Variants in CAMK1D observed in about 807,000 individuals in gnomAD.
The protein encoded by CAMK1D is calcium/calmodulin dependent protein kinase ID.
Under a neutral mutation model 47.7 loss-of-function variants are expected in CAMK1D, and 9 were observed. The observed-to-expected ratio is 0.19, with a 90% confidence interval of 0.11 to 0.33. CAMK1D has a LOEUF of 0.33. CAMK1D is among the 10% of genes least tolerant of loss of function. The pLI, the probability that CAMK1D is intolerant of heterozygous loss-of-function variation, is 1.00. For synonymous variants in CAMK1D, 184 were observed against 184.9 expected, an observed-to-expected ratio of 0.99 and a Z score of 0.04; for missense variants, 291 against 488.7, an observed-to-expected ratio of 0.60 and a Z score of 3.81.
At chr10:12,819,745 G>A (rs145837734) in intron 8 of CAMK1D, among the ~76,000 whole-genome samples, 22 of 152,276 alleles carry the variant, frequency 1.4e-4, no homozygotes, top group African/African-American at 5.3e-4. Context: ...ACCCAATCTG[G>A]TGGGAGATGG....
At chr10:12,453,524 A>G (rs759932673) in intron 1 of CAMK1D, among the ~76,000 whole-genome samples, 16 of 152,136 alleles carry the variant, frequency 1.1e-4, no homozygotes, top group Non-Finnish European at 1.9e-4. Flanking sequence ...ATAATATTCC[A>G]TTGTATGGCT....
intron 3 of CAMK1D, among the ~76,000 whole-genome samples, chr10:12,700,345 A>C (rs1311173373): frequency 6.6e-6 from 1 of 152,094 alleles, no homozygotes. Flanking sequence ...TGGTGGGAGG[A>C]AGGAGAAGTG....
intron 2 of CAMK1D, among the ~76,000 whole-genome samples, chr10:12,610,970 C>G (rs1490763546): frequency 6.6e-6 from 1 of 152,140 alleles, no homozygotes. Flanking sequence ...ACTTACATAG[C>G]CCTCAGTATA....
At position 12,829,893 on chromosome 10, in the gene CAMK1D, T is replaced by G. The variant is rs1833389818; in HGVS notation, c.*1006T>G. On this transcript the variant is annotated 3_prime_UTR_variant, in exon 11 of 11. Transcript: ENST00000619168. ...CTCTGCGGGGGACTTTGGTAGAGAA[T>G]CTGCACAGAGCCTTTGCTGGCAACC... 1 of 152,114 alleles carries G rather than the reference T, an allele frequency of 6.6e-6. No homozygotes were observed. Among genetic ancestry groups the G allele is most frequent in the African/African-American group, 2.4e-5 (1 of 41,388 alleles). The allele number at this position is 152,114 out of a possible 1,614,324, so 9.4% of individuals were successfully genotyped here. A position where few individuals can be genotyped will look rare whatever the true frequency, so the allele number is the denominator to read the frequency against.
intron 1 of CAMK1D, among the ~76,000 whole-genome samples, chr10:12,408,709 C>T (rs1839539188): frequency 6.6e-6 from 1 of 152,136 alleles, no homozygotes; most frequent in Non-Finnish European, 1.5e-5. Context: ...GCAAGGCCCG[C>T]TTTCTCCTCT....
intron 1 of CAMK1D, among the ~76,000 whole-genome samples, chr10:12,498,618 G>A (rs1355304591): frequency 2.0e-5 from 3 of 152,240 alleles, no homozygotes; most frequent in African/African-American, 7.2e-5. Flanking sequence ...TCATCAGGGA[G>A]GGGCTAGGCC....
chr10:12,683,574 T>TA (rs1417391533), intron 3 of CAMK1D, among the ~76,000 whole-genome samples: 6 of 152,168 alleles, frequency 3.9e-5, no homozygotes, highest in Non-Finnish European at 7.3e-5. Flanking sequence ...ATGTGGTTTT[T>TA]ATCATGATTT....
Position 12,541,885 on chromosome 10 carries a change from T to TCCTTCCTTCCTTC in CAMK1D, c.93-11336_93-11335insCCTTCCTTCCCTT, listed in dbSNP as rs141080777. Among the ~76,000 whole-genome samples, 17 of 142,816 alleles carry TCCTTCCTTCCTTC rather than the reference T, an allele frequency of 1.2e-4. No homozygotes were observed. In the East Asian group the frequency reaches 2.3e-3, roughly 19 times the overall value. 93.7% of individuals were successfully genotyped at this position (142,816 alleles called of 152,430 possible). A position where few individuals can be genotyped will look rare whatever the true frequency, so the allele number is the denominator to read the frequency against. On this transcript the variant is annotated intron_variant, in intron 1 of 10. Coordinates refer to ENST00000619168, the MANE Select transcript of CAMK1D (RefSeq NM_153498.4). Reference sequence around the variant, plus strand: ...TTCCTTCCTTCCTTCCTTCCTTCCTTCCTTTTTTTTTTTCAGGTCTCTCTT... The same window carrying TCCTTCCTTCCTTC: ...TTCCTTCCTTCCTTCCTTCCTTCCTTCCTTCCTTCCTTCCCTTTTTTTTTTTCAGGTCTCTCTT...
intron 1 of CAMK1D, among the ~76,000 whole-genome samples, chr10:12,422,759 G>C (rs921580282): frequency 1.3e-5 from 2 of 151,712 alleles, no homozygotes; most frequent in African/African-American, 4.8e-5. Flanking sequence ...TGCAACCTCT[G>C]CCTCCTGGGT....
rs541075230 is a variant in CAMK1D at position 12,420,845 on chromosome 10, T to C, written c.92+70935T>C. Among the ~76,000 whole-genome samples, 2 of 152,322 alleles carry C rather than the reference T, an allele frequency of 1.3e-5. 1 individual carries two copies. Among genetic ancestry groups the C allele is most frequent in the East Asian group, 3.9e-4 (2 of 5,186 alleles). On this transcript the variant is annotated intron_variant, in intron 1 of 10. Coordinates refer to ENST00000619168, the MANE Select transcript of CAMK1D (RefSeq NM_153498.4). ...CATCTTTCCCCTGGGCTCACGTTGG[T>C]ATCTGGGACAACTGAGGGCTCCAGT...
intron 3 of CAMK1D, among the ~76,000 whole-genome samples, chr10:12,744,278 A>G (rs1344838008): frequency 6.6e-6 from 1 of 152,134 alleles, no homozygotes; most frequent in East Asian, 1.9e-4. Context: ...ATTATGAACA[A>G]TTCTGCTGTG....
At chr10:12,650,675 C>G (rs1251209333) in intron 2 of CAMK1D, among the ~76,000 whole-genome samples, 2 of 152,204 alleles carry the variant, frequency 1.3e-5, no homozygotes, top group African/African-American at 2.4e-5. Flanking sequence ...CCTGCCCACT[C>G]CACCCGCCCC....
intron 2 of CAMK1D, among the ~76,000 whole-genome samples, chr10:12,570,702 C>G (rs921711559): frequency 7.2e-6 from 1 of 139,096 alleles, no homozygotes; most frequent in African/African-American, 2.8e-5. Context: ...AAAAAAAAAT[C>G]CATGAGGACA....
intron 1 of CAMK1D, among the ~76,000 whole-genome samples, chr10:12,450,207 A>G (rs1036634907): frequency 1.3e-5 from 2 of 152,150 alleles, no homozygotes; most frequent in Non-Finnish European, 2.9e-5. Flanking sequence ...CTATGTAATT[A>G]AAATAGCATT....
At chr10:12,723,303 G>T (rs1265737255) in intron 3 of CAMK1D, among the ~76,000 whole-genome samples, 2 of 152,172 alleles carry the variant, frequency 1.3e-5, no homozygotes, top group Non-Finnish European at 1.5e-5. Context: ...AAAGATGTCT[G>T]ACCTCTTCCA....
chr10:12,667,426 A>G (rs1840469071), intron 3 of CAMK1D, among the ~76,000 whole-genome samples: 1 of 152,258 alleles, frequency 6.6e-6, no homozygotes, highest in Non-Finnish European at 1.5e-5. Flanking sequence ...TCAGAAAGCC[A>G]GATATTCAAA....
At chr10:12,460,882 G>A (rs886328303) in intron 1 of CAMK1D, among the ~76,000 whole-genome samples, 2 of 152,136 alleles carry the variant, frequency 1.3e-5, no homozygotes, top group East Asian at 1.9e-4. Flanking sequence ...ATTCTTAATT[G>A]CTTAAAAGGG....
intron 10 of CAMK1D, among the ~76,000 whole-genome samples, chr10:12,827,243 C>G (rs1355537786): frequency 1.3e-5 from 2 of 150,198 alleles, no homozygotes; most frequent in Non-Finnish European, 3.0e-5. Context: ...TTCCCTCCCT[C>G]CCTTCTTTCT....
chr10:12,662,244 A>G (rs544854633), intron 2 of CAMK1D, among the ~76,000 whole-genome samples: 1 of 152,366 alleles, frequency 6.6e-6, no homozygotes, highest in South Asian at 2.1e-4. Flanking sequence ...AGATGAGTCA[A>G]TCAACATTCA....
Sources: allele counts gnomAD v4.1 joint callset (sites outside exome capture counted in the v4.1 genomes callset), GRCh38; gene constraint gnomAD v4.1.1; transcripts MANE v1.5; gene names NCBI Gene and HGNC (gene_info 2026-07-23, HGNC 2026-07-21).